ZNF582: variants seen among roughly 807,000 people sequenced by gnomAD.
ZNF582 encodes the protein zinc finger protein 582.
A neutral mutation model predicts 12.3 loss-of-function variants in ZNF582; 14 were observed. The observed-to-expected ratio is 1.14, with a 90% CI of 0.75 to 1.78. The LOEUF is 1.78. ZNF582 is among the 40% of genes most tolerant of loss of function. The probability of loss-of-function intolerance (pLI) is 0.00; values close to 1 mark genes in which losing one functional copy is unlikely to be tolerated. For synonymous variants in ZNF582, 210 were observed against 207.2 expected, an observed-to-expected ratio of 1.01 and a Z score of -0.11; for missense variants, 567 against 616.5, an observed-to-expected ratio of 0.92 and a Z score of 0.85.
At position 56,384,128 on chromosome 19, in the gene ZNF582, T is replaced by TTCCCA; in HGVS notation, c.1284_1288dup (p.Lys430MetfsTer11). ...CAATTGTGAGCAATGACTAAAAGCC[T>TTCCCA]TCCCACATTCCTTACATTCATATGG... On this transcript the variant is annotated frameshift_variant, in exon 5 of 5. Transcript: ENST00000586929. LOFTEE classifies it low-confidence loss of function (END_TRUNC). The TTCCCA allele has an allele frequency of 6.2e-7, 1 of 1,612,816 alleles. No individual in the cohort carries two copies. Among genetic ancestry groups the TTCCCA allele is most frequent in the Non-Finnish European group, 8.5e-7 (1 of 1,179,408 alleles).
chr19:56,391,041 CA>C (rs1230602546), intron 2 of ZNF582, among the ~76,000 whole-genome samples: 1 of 152,060 alleles, frequency 6.6e-6, no homozygotes, highest in African/African-American at 2.4e-5. Flanking sequence ...TGGGAAAAAC[CA>C]TGGAGATAAC....
chr19:56,387,846 T>C (rs564201235), intron 4 of ZNF582: 1 of 152,256 alleles, frequency 6.6e-6, no homozygotes, highest in Non-Finnish European at 1.5e-5. Flanking sequence ...CACATCCTTA[T>C]GTTCTTCGAC....
intron 1 of ZNF582, among the ~76,000 whole-genome samples, 154 bp downstream of exon 1, chr19:56,393,066 A>C (rs1166793611): frequency 1.3e-5 from 2 of 152,128 alleles, no homozygotes; most frequent in African/African-American, 2.4e-5. Context: ...AAGTTTTTCT[A>C]AACTAGCGGT....
At chr19:56,393,511 G>C in exon 1 of ZNF582, 1 of 498,752 alleles carries the variant, frequency 2.0e-6, no homozygotes, top group Non-Finnish European at 4.0e-6. Context: ...CTTCCACCAC[G>C]GTACCGGTGG....
intron 1 of ZNF582, 79 bp downstream of exon 1, chr19:56,393,140 TA>T (rs11439847): frequency 0.078 from 74,316 of 957,122 alleles, 2 homozygotes; most frequent in South Asian, 0.095. Flanking sequence ...CCTCTCAGAT[TA>T]AAAAAAAAAA....
intron 2 of ZNF582, among the ~76,000 whole-genome samples, chr19:56,391,227 T>C (rs2147518618): frequency 6.6e-6 from 1 of 152,340 alleles, no homozygotes; most frequent in Non-Finnish European, 1.5e-5. Flanking sequence ...TGTACTTTTC[T>C]TCCTCTTAAG....
intron 1 of ZNF582, 109 bp from the exon 2 acceptor site, chr19:56,391,941 AG>A: frequency 1.1e-6 from 1 of 897,434 alleles, no homozygotes; most frequent in Admixed American, 2.6e-5. Flanking sequence ...GAAAATGAGA[AG>A]GAGGGGGAGG....
At chr19:56,387,534 G>C (rs953896774) in intron 4 of ZNF582, 4 of 152,130 alleles carry the variant, frequency 2.6e-5, no homozygotes, top group Admixed American at 2.0e-4. Context: ...TGACACTGAT[G>C]ACTTAAAAAA....
At chr19:56,382,923 T>G (rs959746182) in exon 5 of ZNF582, 3 of 152,158 alleles carry the variant, frequency 2.0e-5, no homozygotes, top group African/African-American at 7.2e-5. Context: ...CATGTTCTTA[T>G]ATAAAAATGT....
At chr19:56,383,428 T>C (rs2041934383) in exon 5 of ZNF582, 1 of 154,616 alleles carries the variant, frequency 6.5e-6, no homozygotes, top group Non-Finnish European at 1.4e-5. Flanking sequence ...GCTATAAAAA[T>C]TCCTCCAGTG....
At chr19:56,392,609 C>A (rs957676185) in intron 1 of ZNF582, among the ~76,000 whole-genome samples, 1 of 152,192 alleles carries the variant, frequency 6.6e-6, no homozygotes, top group African/African-American at 2.4e-5. Flanking sequence ...AAGTGACTAT[C>A]AAAAATGACT....
At chr19:56,386,256 C>T (rs184323161) in intron 4 of ZNF582, 15 of 152,302 alleles carry the variant, frequency 9.8e-5, no homozygotes, top group Non-Finnish European at 2.1e-4. Context: ...CATGTGTCCG[C>T]TAGAAGTTAG....
At chr19:56,384,126 C>G in exon 5 of ZNF582, 1 of 1,612,832 alleles carries the variant, frequency 6.2e-7, no homozygotes, top group African/African-American at 1.3e-5. Context: ...TGACTAAAAG[C>G]CTTCCCACAT....
chr19:56,384,986 A>G, exon 5 of ZNF582: 1 of 1,614,154 alleles, frequency 6.2e-7, no homozygotes. Context: ...TTCATGTCTG[A>G]TGATCATCTG....
At chr19:56,385,100 T>C (rs749317794) in exon 5 of ZNF582, 2 of 1,613,882 alleles carry the variant, frequency 1.2e-6, no homozygotes, top group African/African-American at 1.3e-5. Flanking sequence ...TGTAAGGCTT[T>C]CCATTATCTC....
chr19:56,384,317 T>C (rs750527171), exon 5 of ZNF582: 14 of 1,613,900 alleles, frequency 8.7e-6, no homozygotes, highest in Admixed American at 6.7e-5. Flanking sequence ...TTTGCACTCA[T>C]AGGGTTTCTC....
exon 5 of ZNF582, chr19:56,384,726 C>T (rs761669241): frequency 6.2e-7 from 1 of 1,610,612 alleles, no homozygotes; most frequent in Admixed American, 1.7e-5. Context: ...TTTCCACATT[C>T]CTTACATTCA....
chr19:56,385,284 C>T (rs1600326172), intron 4 of ZNF582, 100 bp from the exon 5 acceptor site: 1 of 1,218,202 alleles, frequency 8.2e-7, no homozygotes, highest in East Asian at 2.5e-5. Context: ...CCTATTAACT[C>T]TTGAATGTAG....
At chr19:56,388,902 C>G (rs1268613727) in intron 4 of ZNF582, among the ~76,000 whole-genome samples, 5 of 152,176 alleles carry the variant, frequency 3.3e-5, no homozygotes, top group African/African-American at 1.2e-4. Context: ...TAAGCATGAG[C>G]CACCATGCCC....
Sources: allele counts gnomAD v4.1 joint callset (sites outside exome capture counted in the v4.1 genomes callset), GRCh38; gene constraint gnomAD v4.1.1; transcripts MANE v1.5; gene names NCBI Gene and HGNC (gene_info 2026-07-23, HGNC 2026-07-21).